The following LRRC4C variants were observed in gnomAD, a reference collection of about 807,000 sequenced individuals.
The protein encoded by LRRC4C is leucine rich repeat containing 4C, also known as leucine-rich repeat-containing protein 4C.
LRRC4C carries 5 observed loss-of-function variants against 33.6 expected under a neutral mutation model. That is an observed-to-expected ratio of 0.15 (90% confidence interval 0.08 to 0.31). The LOEUF (loss-of-function observed/expected upper bound fraction) is 0.31, where lower values mean the gene tolerates loss of function less well. Ranked by LOEUF, LRRC4C falls within the 10% of genes least tolerant of loss-of-function variation. The probability of loss-of-function intolerance (pLI) is 1.00; values close to 1 mark genes in which losing one functional copy is unlikely to be tolerated. For missense variants in LRRC4C, 560 were observed against 796.7 expected (o/e 0.70, Z 3.58); for synonymous variants, 329 against 302.0 (o/e 1.09, Z -0.93).
intron 3 of LRRC4C, among the ~76,000 whole-genome samples, chr11:40,442,519 A>T (rs957597308): frequency 6.6e-6 from 1 of 152,174 alleles, no homozygotes; most frequent in Admixed American, 6.5e-5. Context: ...ATAAGAATCA[A>T]ATACAATGGA....
At chr11:40,234,954 G>A (rs867549118) in intron 5 of LRRC4C, among the ~76,000 whole-genome samples, 7 of 152,166 alleles carry the variant, frequency 4.6e-5, no homozygotes, top group Non-Finnish European at 8.8e-5. Context: ...GAGAACCACC[G>A]TACTAAGTAG....
intron 4 of LRRC4C, among the ~76,000 whole-genome samples, chr11:40,302,010 T>C (rs1196823509): frequency 6.6e-6 from 1 of 152,210 alleles, no homozygotes; most frequent in East Asian, 1.9e-4. Flanking sequence ...AAATAAAGAC[T>C]TTCAAAATGG....
chr11:41,455,350 A>G (rs1956143962), intron 1 of LRRC4C, among the ~76,000 whole-genome samples: 1 of 152,128 alleles, frequency 6.6e-6, no homozygotes, highest in South Asian at 2.1e-4. Flanking sequence ...CTGGATATCC[A>G]GAAAATGAGT....
At chr11:40,394,919 G>A (rs1054597665) in intron 3 of LRRC4C, among the ~76,000 whole-genome samples, 3 of 151,920 alleles carry the variant, frequency 2.0e-5, no homozygotes, top group Non-Finnish European at 4.4e-5. Flanking sequence ...CAACCTTGAC[G>A]GCCTTAATGG....
At chr11:40,747,855 T>G in intron 2 of LRRC4C, among the ~76,000 whole-genome samples, 1 of 152,068 alleles carries the variant, frequency 6.6e-6, no homozygotes, top group Non-Finnish European at 1.5e-5. Context: ...TTGAAATAAC[T>G]CACTTGGACA....
At chr11:41,080,282 T>C (rs1939468640) in intron 1 of LRRC4C, among the ~76,000 whole-genome samples, 2 of 151,942 alleles carry the variant, frequency 1.3e-5, no homozygotes, top group Non-Finnish European at 1.5e-5. Context: ...CTAATTACAA[T>C]TGCATAATGG....
chr11:41,050,852 A>T (rs953644016), intron 1 of LRRC4C, among the ~76,000 whole-genome samples: 6 of 152,148 alleles, frequency 3.9e-5, no homozygotes, highest in African/African-American at 1.4e-4. Flanking sequence ...ACTGTCTTCT[A>T]CAAGTTCTTA....
At chr11:40,352,614 T>C (rs1194847459) in intron 3 of LRRC4C, among the ~76,000 whole-genome samples, 1 of 151,794 alleles carries the variant, frequency 6.6e-6, no homozygotes, top group African/African-American at 2.4e-5. Context: ...ACGAGTAGTT[T>C]GCACACCACA....
chr11:41,224,550 CT>C (rs1199687735), intron 1 of LRRC4C, among the ~76,000 whole-genome samples: 1 of 152,180 alleles, frequency 6.6e-6, no homozygotes, highest in African/African-American at 2.4e-5. Flanking sequence ...TCAAAACTTC[CT>C]TGTCCCCTTC....
chr11:40,445,841 T>G (rs1485161607), intron 3 of LRRC4C: 1 of 152,288 alleles, frequency 6.6e-6, no homozygotes, highest in African/African-American at 2.4e-5. Context: ...CATAAGGTTT[T>G]TCCCCTGTGA....
chr11:40,787,261 T>G (rs1249440738), intron 2 of LRRC4C, among the ~76,000 whole-genome samples: 1 of 150,264 alleles, frequency 6.7e-6, no homozygotes, highest in African/African-American at 2.5e-5. Context: ...AATTGCCAAC[T>G]GGGGGGGGTA....
chr11:40,612,343 C>T (rs1223170294), intron 3 of LRRC4C, among the ~76,000 whole-genome samples: 1 of 151,804 alleles, frequency 6.6e-6, no homozygotes, highest in Non-Finnish European at 1.5e-5. Flanking sequence ...AAAGTAAATT[C>T]ATAGAAGCAG....
intron 3 of LRRC4C, among the ~76,000 whole-genome samples, chr11:40,325,169 GA>G (rs1366734074): frequency 1.3e-5 from 2 of 152,118 alleles, no homozygotes; most frequent in Non-Finnish European, 2.9e-5. Flanking sequence ...AAAGCCTTAG[GA>G]AACATATTCA....
chr11:41,296,843 T>C (rs921546565), intron 1 of LRRC4C, among the ~76,000 whole-genome samples: 1 of 152,234 alleles, frequency 6.6e-6, no homozygotes, highest in Non-Finnish European at 1.5e-5. Context: ...TCTACTTTTC[T>C]TCTTATCATT....
intron 1 of LRRC4C, among the ~76,000 whole-genome samples, chr11:41,208,843 C>A (rs1467148878): frequency 3.3e-5 from 5 of 152,164 alleles, no homozygotes; most frequent in African/African-American, 1.2e-4. Context: ...ACGCACTGGC[C>A]AGTGCCTCAA....
intron 4 of LRRC4C, among the ~76,000 whole-genome samples, chr11:40,283,096 G>A (rs187012956): frequency 1.5e-4 from 23 of 152,286 alleles, no homozygotes; most frequent in African/African-American, 4.8e-4. Flanking sequence ...CTTGATTTTT[G>A]TGACCAGCAG....
chr11:41,206,203 G>A (rs977986386), intron 1 of LRRC4C, among the ~76,000 whole-genome samples: 3 of 152,120 alleles, frequency 2.0e-5, no homozygotes, highest in Admixed American at 6.6e-5. Flanking sequence ...CTACTCTCAA[G>A]TCTGAGAATC....
intron 1 of LRRC4C, among the ~76,000 whole-genome samples, chr11:41,015,353 G>C (rs1481831255): frequency 6.6e-6 from 1 of 151,982 alleles, no homozygotes; most frequent in African/African-American, 2.4e-5. Flanking sequence ...TTTTGAGACA[G>C]GGTCTTGCTC....
chr11:41,367,494 G>A (rs182102488), intron 1 of LRRC4C, among the ~76,000 whole-genome samples: 4 of 152,246 alleles, frequency 2.6e-5, no homozygotes, highest in African/African-American at 7.2e-5. Flanking sequence ...AAAGGACTAT[G>A]AGTTTTGAAC....
Sources: gnomAD v4.1 joint callset for allele counts (sites outside exome capture counted in the v4.1 genomes callset) on GRCh38, gnomAD v4.1.1 for gene constraint, MANE v1.5 for transcripts, NCBI Gene and HGNC (gene_info 2026-07-23, HGNC 2026-07-21) for gene names.